Variants in KDM5B observed in about 807,000 individuals in gnomAD.
KDM5B encodes lysine-specific demethylase 5B.
KDM5B carries 144 observed loss-of-function variants against 193.4 expected under a neutral mutation model. The observed-to-expected ratio is 0.74, with a 90% CI of 0.65 to 0.86. KDM5B has a LOEUF of 0.86. Among genes scored for constraint, KDM5B ranks in the 40% least tolerant of loss-of-function variants. The pLI, the probability that KDM5B is intolerant of heterozygous loss-of-function variation, is 0.00. For missense variants in KDM5B, 1,833 were observed against 1,886.9 expected (o/e 0.97, Z 0.53); for synonymous variants, 668 against 682.6 (o/e 0.98, Z 0.33).
chr1:202,804,271 T>C (rs970792374), intron 1 of KDM5B, among the ~76,000 whole-genome samples: 2 of 152,044 alleles, frequency 1.3e-5, no homozygotes, highest in Non-Finnish European at 2.9e-5. Context: ...TTTTAAGTAG[T>C]TATAAGTTCT....
intron 13 of KDM5B, 81 bp downstream of exon 13, chr1:202,750,578 A>T: frequency 6.7e-7 from 1 of 1,498,608 alleles, no homozygotes; most frequent in Non-Finnish European, 9.2e-7. Context: ...CCCAGCCCAC[A>T]TGACACTTTA....
At position 202,729,911 on chromosome 1, in the gene KDM5B, C is replaced by T; in HGVS notation, c.4293G>A (p.Arg1431=). The T allele has an allele frequency of 6.2e-7, 1 of 1,614,116 alleles. No homozygotes were observed. Among genetic ancestry groups the T allele is most frequent in the Non-Finnish European group, 8.5e-7 (1 of 1,179,988 alleles). The change falls in exon 26 of 27, where the codon CGG becomes CGA. Residue 1431 remains arginine, a synonymous_variant. Transcript: ENST00000367265. The stretch of plus-strand genomic sequence containing the variant: ...GTTTGATTTTCTTCTTTTTGGGGGT[C>T]CGCATTTTCTTAACTCGTTCCCACC... ...SERWERVKKM[R]TPKKKKIKLS... is the part of the protein sequence containing the mutation.
At chr1:202,805,584 C>T (rs1658258237) in intron 1 of KDM5B, among the ~76,000 whole-genome samples, 1 of 152,180 alleles carries the variant, frequency 6.6e-6, no homozygotes, top group Non-Finnish European at 1.5e-5. Context: ...GTTCCAAAAA[C>T]TCGGTGAACA....
rs1277190443 is a variant in KDM5B at position 202,742,728 on chromosome 1, G to A, written c.2401C>T (p.Arg801Cys). ...TTCTCTGCATCCTGTGTGACTAGGC[G>A]AAGGTGTCGCAAAAGATCATTGTCT... ...FPDNDLLRHL[R>C]LVTQDAEKCA... Residue 801 changes from arginine (R) to cysteine (C), a missense_variant, in exon 17 of 27, where the codon CGC (arginine) becomes TGC (cysteine). Physicochemically the swap from Arg to Cys is radical, Grantham distance 180. Coordinates refer to ENST00000367265, the MANE Select transcript of KDM5B (RefSeq NM_006618.5). 1.2e-5 allele frequency: 20 copies of A among 1,614,164 alleles called. No individual in the cohort carries two copies. The highest frequency in any genetic ancestry group is 1.7e-5 in the Admixed American group (1 of 60,028).
chr1:202,766,187 T>C (rs1422229015), intron 5 of KDM5B, among the ~76,000 whole-genome samples: 1 of 150,502 alleles, frequency 6.6e-6, no homozygotes, highest in Non-Finnish European at 1.5e-5. Flanking sequence ...TGCACTCCAG[T>C]CTAGGTGAAA....
In KDM5B at chr1:202,778,645, CAG is replaced by C. The variant is rs1189601375; in HGVS notation, c.205-1553_205-1552del. 6.6e-5 allele frequency among the ~76,000 whole-genome samples: 10 copies of C among 152,188 alleles called. 2 individuals are homozygous for C. Among genetic ancestry groups the C allele is most frequent in the African/African-American group, 7.2e-5 (3 of 41,544 alleles). ...TACTTATTTATTCACTTTTTGGAGA[CAG>C]AGTTTCGCTCTGTCACCCAGGCTGG... On this transcript the variant is annotated intron_variant, in intron 1 of 26. Transcript: ENST00000367265.
chr1:202,804,865 C>CA (rs35989953), intron 1 of KDM5B, among the ~76,000 whole-genome samples: 5,111 of 78,660 alleles, frequency 0.065, 185 homozygotes, highest in Non-Finnish European at 0.086. Context: ...AATTCCGTCT[C>CA]AAAAAAAAAA....
intron 1 of KDM5B, among the ~76,000 whole-genome samples, chr1:202,798,787 T>C (rs1572782788): frequency 6.6e-6 from 1 of 151,932 alleles, no homozygotes; most frequent in East Asian, 1.9e-4. Context: ...TTTGGGAAGC[T>C]GAGGTGGGAG....
At chr1:202,773,768 T>C (rs1572752079) in intron 3 of KDM5B, among the ~76,000 whole-genome samples, 1 of 150,760 alleles carries the variant, frequency 6.6e-6, no homozygotes, top group East Asian at 1.9e-4. Context: ...ATGGAGTTTC[T>C]CTCTTGTTGC....
rs35222749 is a variant in KDM5B, at chr1:202,775,856, CAAAAAAAA to C, written c.283-1129_283-1122del. Among the ~76,000 whole-genome samples the C allele has an allele frequency of 2.2e-3, 48 of 21,426 alleles. 1 individual carries two copies. Among genetic ancestry groups the C allele is most frequent in the African/African-American group, 8.8e-3 (47 of 5,326 alleles). The allele number at this position is 21,426 out of a possible 152,430, so 14.1% of individuals were successfully genotyped here. On this transcript the variant is annotated intron_variant, in intron 2 of 26. Transcript: ENST00000367265. The stretch of plus-strand genomic sequence containing the variant: ...TGGTGACAGAACAAGACTCTTGTCT[CAAAAAAAA>C]AAAAAAAAAAAAAAAATATATATAT...
intron 23 of KDM5B, 99 bp downstream of exon 23, chr1:202,733,302 A>G: frequency 1.5e-6 from 2 of 1,371,530 alleles, no homozygotes; most frequent in Non-Finnish European, 1.0e-6. Flanking sequence ...CAGTAAAGTG[A>G]TCACACCAAG....
chr1:202,731,106 T>A, intron 24 of KDM5B, 43 bp from the exon 25 acceptor site: 1 of 1,508,724 alleles, frequency 6.6e-7, no homozygotes, highest in Non-Finnish European at 9.0e-7. Context: ...CAACAAAGGG[T>A]GTTTCACATT....
intron 12 of KDM5B, 48 bp from the exon 13 acceptor site, chr1:202,750,826 T>C (rs1348392392): frequency 1.3e-6 from 2 of 1,581,720 alleles, no homozygotes; most frequent in South Asian, 1.1e-5. Flanking sequence ...AAGAGTGACA[T>C]TGTTACTAAA....
chr1:202,789,353 T>C (rs145276047), intron 1 of KDM5B, among the ~76,000 whole-genome samples: 1,758 of 151,778 alleles, frequency 0.012, 28 homozygotes, highest in African/African-American at 0.04. Context: ...AAACCCCATC[T>C]CTACTGAAAA....
At chr1:202,783,502 C>CAA (rs201339390) in intron 1 of KDM5B, among the ~76,000 whole-genome samples, 123 of 148,836 alleles carry the variant, frequency 8.3e-4, no homozygotes, top group East Asian at 2.0e-3. Flanking sequence ...AAGACTGTCT[C>CAA]AAAAAAAAAC....
intron 11 of KDM5B, among the ~76,000 whole-genome samples, chr1:202,753,667 T>A (rs71635592): frequency 1.6e-5 from 2 of 124,716 alleles, no homozygotes; most frequent in South Asian, 5.5e-4. Flanking sequence ...TGTTGTTGTT[T>A]TTTTTTTGTT....
chr1:202,796,332 C>T, intron 1 of KDM5B: 1 of 370,294 alleles, frequency 2.7e-6, no homozygotes. Flanking sequence ...GCTTCACTGG[C>T]ACCTTGGATG....
chr1:202,748,934 A>C lies in KDM5B; in HGVS notation c.2016+11T>G. 2 of 1,602,606 alleles carry C rather than the reference A, an allele frequency of 1.2e-6. No homozygotes were observed. The highest frequency in any genetic ancestry group is 1.7e-6 in the Non-Finnish European group (2 of 1,174,002). ...AATGACAACATGCAGTTGGATTTCC[A>C]TAAGCCTTACCAATTTACGGACAGT... On this transcript the variant is annotated intron_variant, in intron 14 of 26. Transcript: ENST00000367265.
intron 14 of KDM5B, 41 bp from the exon 15 acceptor site, chr1:202,746,364 T>C (rs1284752709): frequency 1.5e-6 from 2 of 1,375,390 alleles, no homozygotes; most frequent in Admixed American, 2.3e-5. Flanking sequence ...CAAAGGATAA[T>C]ATAATCCACC....
Sources: allele counts gnomAD v4.1 joint callset (sites outside exome capture counted in the v4.1 genomes callset), GRCh38; gene constraint gnomAD v4.1.1; transcripts MANE v1.5; gene names NCBI Gene and HGNC (gene_info 2026-07-23, HGNC 2026-07-21).